The following SPMIP2 variants were observed in gnomAD, a reference collection of about 807,000 sequenced individuals.
SPMIP2 encodes sperm microtubule inner protein 2, also known as protein SPMIP2.
the SPMIP2 span, among the ~76,000 whole-genome samples, chr4:158,966,906 G>A: frequency 3.3e-5 from 5 of 152,236 alleles, no homozygotes; most frequent in Middle Eastern, 6.8e-3. Context: ...CTCTAAAAGA[G>A]AGAGAAAGCC....
At chr4:158,923,495 G>A in the SPMIP2 span, among the ~76,000 whole-genome samples, 2 of 152,020 alleles carry the variant, frequency 1.3e-5, no homozygotes, top group East Asian at 3.9e-4. Context: ...TATTATAAAT[G>A]AAATTGTTTT....
the SPMIP2 span, among the ~76,000 whole-genome samples, chr4:159,009,421 A>G: frequency 3.9e-5 from 6 of 152,202 alleles, no homozygotes; most frequent in Non-Finnish European, 7.4e-5. Context: ...CCCCTGCCCT[A>G]TGCTCTTGCT....
At chr4:158,920,671 G>A in the SPMIP2 span, among the ~76,000 whole-genome samples, 2 of 152,180 alleles carry the variant, frequency 1.3e-5, no homozygotes, top group African/African-American at 4.8e-5. Context: ...GTTTTCTATT[G>A]TTTAAGATGT....
the SPMIP2 span, among the ~76,000 whole-genome samples, chr4:158,984,669 A>C: frequency 6.6e-6 from 1 of 152,158 alleles, no homozygotes; most frequent in Non-Finnish European, 1.5e-5. Flanking sequence ...AAATGCCCAC[A>C]AGAGAAAGCA....
chr4:159,024,507 T>A, the SPMIP2 span, among the ~76,000 whole-genome samples: 1 of 151,998 alleles, frequency 6.6e-6, no homozygotes, highest in Non-Finnish European at 1.5e-5. Context: ...TTGTGCTACC[T>A]CTCCTCTTGC....
chr4:158,954,838 C>T, the SPMIP2 span, among the ~76,000 whole-genome samples: 2 of 152,148 alleles, frequency 1.3e-5, no homozygotes, highest in African/African-American at 4.8e-5. Flanking sequence ...CTGCAGAATC[C>T]ATTCACCTCT....
At chr4:158,959,768 T>C in the SPMIP2 span, among the ~76,000 whole-genome samples, 2 of 152,140 alleles carry the variant, frequency 1.3e-5, no homozygotes, top group African/African-American at 2.4e-5. Context: ...TTCCTGTAAT[T>C]TAACATGCTG....
At chr4:159,005,214 T>C in the SPMIP2 span, among the ~76,000 whole-genome samples, 1 of 66,732 alleles carries the variant, frequency 1.5e-5, no homozygotes, top group African/African-American at 6.8e-5. Flanking sequence ...AGAGTGAGAC[T>C]CCGCCTCAAA....
chr4:158,964,080 G>A, the SPMIP2 span, among the ~76,000 whole-genome samples: 10 of 152,090 alleles, frequency 6.6e-5, no homozygotes, highest in East Asian at 3.9e-4. Flanking sequence ...GCCTGAACCC[G>A]GGAGGCGGAG....
At chr4:159,074,378 C>T in the SPMIP2 span, among the ~76,000 whole-genome samples, 1 of 152,200 alleles carries the variant, frequency 6.6e-6, no homozygotes, top group East Asian at 1.9e-4. Context: ...CTCTCCTTGG[C>T]ACCATCTTTC....
At chr4:159,017,350 A>AACAC in the SPMIP2 span, among the ~76,000 whole-genome samples, 2 of 51,430 alleles carry the variant, frequency 3.9e-5, no homozygotes, top group South Asian at 7.2e-4. Flanking sequence ...CACAAACACA[A>AACAC]ACACATACAC....
chr4:158,934,556 A>G, the SPMIP2 span, among the ~76,000 whole-genome samples: 1 of 152,170 alleles, frequency 6.6e-6, no homozygotes, highest in African/African-American at 2.4e-5. Flanking sequence ...ATGGTATCTG[A>G]CCCATAGTAA....
the SPMIP2 span, among the ~76,000 whole-genome samples, chr4:158,925,877 C>T: frequency 6.6e-6 from 1 of 152,188 alleles, no homozygotes; most frequent in Non-Finnish European, 1.5e-5. Flanking sequence ...ATCAAGGCAC[C>T]AGCAGATTTA....
chr4:158,975,134 G>C, the SPMIP2 span, among the ~76,000 whole-genome samples: 1 of 148,338 alleles, frequency 6.7e-6, no homozygotes, highest in Non-Finnish European at 1.5e-5. Flanking sequence ...CATATCCTTC[G>C]CCCACTTTTT....
the SPMIP2 span, among the ~76,000 whole-genome samples, chr4:158,912,987 C>A: frequency 1.3e-5 from 2 of 152,134 alleles, no homozygotes; most frequent in Admixed American, 1.3e-4. Flanking sequence ...GACAAAAACA[C>A]GTAACCTGAA....
chr4:159,062,166 C>T, the SPMIP2 span, among the ~76,000 whole-genome samples: 4 of 152,176 alleles, frequency 2.6e-5, no homozygotes, highest in South Asian at 2.1e-4. Flanking sequence ...GTCTTATCCC[C>T]GATTCCACTG....
chr4:158,993,554 A>G, the SPMIP2 span, among the ~76,000 whole-genome samples: 1 of 151,832 alleles, frequency 6.6e-6, no homozygotes, highest in African/African-American at 2.4e-5. Context: ...TAGTTCGTTC[A>G]TTTATTCTTT....
chr4:159,008,575 A>AG, the SPMIP2 span, among the ~76,000 whole-genome samples: 2 of 151,766 alleles, frequency 1.3e-5, no homozygotes, highest in African/African-American at 4.8e-5. Context: ...TCTCAAAAGA[A>AG]AAAAAAATTG....
the SPMIP2 span, among the ~76,000 whole-genome samples, chr4:158,894,438 C>G: frequency 1.3e-5 from 2 of 152,170 alleles, no homozygotes; most frequent in African/African-American, 4.8e-5. Flanking sequence ...TCCCAAAGTG[C>G]TAGGATTACA....
Sources: allele counts gnomAD v4.1 joint callset (sites outside exome capture counted in the v4.1 genomes callset), GRCh38; gene constraint gnomAD v4.1.1; transcripts MANE v1.5; gene names NCBI Gene and HGNC (gene_info 2026-07-23, HGNC 2026-07-21).